ACSS3: variants seen among roughly 807,000 people sequenced by gnomAD.
ACSS3 encodes the protein acyl-CoA synthetase short-chain family member 3, mitochondrial.
Under a neutral mutation model 84.2 loss-of-function variants are expected in ACSS3, and 64 were observed. The observed-to-expected ratio is 0.76, with a 90% confidence interval of 0.62 to 0.94. The LOEUF is 0.94. ACSS3 is among the 40% of genes least tolerant of loss of function. ACSS3 has a pLI of 0.00. For synonymous variants in ACSS3, 317 were observed against 310.1 expected, an observed-to-expected ratio of 1.02 and a Z score of -0.23; for missense variants, 815 against 867.6, an observed-to-expected ratio of 0.94 and a Z score of 0.76.
intron 7 of ACSS3, among the ~76,000 whole-genome samples, chr12:81,168,233 C>G (rs1029052479): frequency 6.6e-6 from 1 of 152,152 alleles, no homozygotes; most frequent in Non-Finnish European, 1.5e-5. Flanking sequence ...GTTATGGTCT[C>G]TACATGACCA....
intron 1 of ACSS3, among the ~76,000 whole-genome samples, chr12:81,097,454 T>C (rs1440894741): frequency 6.6e-6 from 1 of 152,256 alleles, no homozygotes; most frequent in East Asian, 1.9e-4. Context: ...GTATTCGTTT[T>C]CCTTACTCTT....
chr12:81,161,590 G>A lies in ACSS3; in HGVS notation c.1098+9494G>A, dbSNP rs371922468. ...TTTTCTTAAATTCATAGACAGAATG[G>A]AGAGTTTAGATAACCCTAATGTCAC... On this transcript the variant is annotated intron_variant, in intron 7 of 15. Coordinates refer to ENST00000548058, the MANE Select transcript of ACSS3 (RefSeq NM_024560.4). 7.6e-4 allele frequency among the ~76,000 whole-genome samples: 116 copies of A among 152,258 alleles called. 1 individual carries two copies. Among genetic ancestry groups the A allele is most frequent in the African/African-American group, 2.7e-3 (112 of 41,544 alleles).
chr12:81,257,916 TG>T lies in ACSS3; in HGVS notation c.*2995del, dbSNP rs1347150181. On this transcript the variant is annotated 3_prime_UTR_variant, in exon 16 of 16. Transcript: ENST00000548058. ...TTATAGATGATTAATCTTTCTAACT[TG>T]ATCTTTAAAAGAAAGAAATTGATTT... The T allele has an allele frequency of 6.6e-6, 1 of 152,158 alleles. No individual in the cohort carries two copies. Among genetic ancestry groups the T allele is most frequent in the African/African-American group, 2.4e-5 (1 of 41,456 alleles). 9.4% of individuals were successfully genotyped at this position (152,158 alleles called of 1,614,324 possible).
intron 1 of ACSS3, among the ~76,000 whole-genome samples, chr12:81,100,451 TA>T (rs1158223926): frequency 2.0e-5 from 3 of 152,180 alleles, no homozygotes; most frequent in Non-Finnish European, 4.4e-5. Flanking sequence ...CAAGGACATC[TA>T]ACATTTCTGT....
At position 81,253,330 on chromosome 12, in the gene ACSS3, G is replaced by A. The variant is rs1314788862; in HGVS notation, c.1743G>A (p.Val581=). 4 of 1,613,688 alleles carry A rather than the reference G, an allele frequency of 2.5e-6. No homozygotes were observed. In the African/African-American group the frequency reaches 5.3e-5, roughly 22 times the overall value. ...IEESILSHGT[V]ADCAVVGKED... ...AGTCAATCCTTTCCCATGGTACCGT[G>A]GCAGACTGTGCTGTTGTTGGCAAGG... The change falls in exon 14 of 16, where the codon GTG becomes GTA. Residue 581 remains valine (V), a synonymous_variant. Coordinates refer to ENST00000548058, the MANE Select transcript of ACSS3 (RefSeq NM_024560.4).
In ACSS3 at chr12:81,259,893, G is replaced by C. The variant is rs1413293326; in HGVS notation, c.*4971G>C. On this transcript the variant is annotated 3_prime_UTR_variant, in exon 16 of 16. Transcript: ENST00000548058. ...TAGAATTTGCTCAACTTTGTGGAAA[G>C]TATGGCAGTAATGTAAACAAAGGTA... 2 of 378,440 alleles carry C rather than the reference G, an allele frequency of 5.3e-6. No homozygotes were observed. The highest frequency in any genetic ancestry group is 4.3e-5 in the Admixed American group (1 of 23,042). The allele number at this position is 378,440 out of a possible 1,614,324, so 23.4% of individuals were successfully genotyped here. A position where few individuals can be genotyped will look rare whatever the true frequency, so the allele number is the denominator to read the frequency against.
chr12:81,145,229 A>G (rs542087688), intron 5 of ACSS3, among the ~76,000 whole-genome samples: 102 of 151,940 alleles, frequency 6.7e-4, no homozygotes, highest in African/African-American at 2.4e-3. Flanking sequence ...GTTTTCTCTG[A>G]GAGGTTCTTT....
At chr12:81,253,231 G>C in intron 13 of ACSS3, 76 bp from the exon 14 acceptor site, 1 of 1,423,236 alleles carries the variant, frequency 7.0e-7, no homozygotes, top group Non-Finnish European at 9.9e-7. Flanking sequence ...ATCTATATCT[G>C]TATCTATATC....
chr12:81,229,314 T>A (rs1192707264), intron 11 of ACSS3, among the ~76,000 whole-genome samples: 1 of 151,872 alleles, frequency 6.6e-6, no homozygotes, highest in African/African-American at 2.4e-5. Flanking sequence ...TACATACAAT[T>A]TGCTTCACTC....
chr12:81,179,927 A>T (rs546698854), intron 8 of ACSS3, among the ~76,000 whole-genome samples: 1 of 152,316 alleles, frequency 6.6e-6, no homozygotes, highest in East Asian at 1.9e-4. Context: ...TGATGCTGTC[A>T]TCTGCTCAGC....
chr12:81,216,163 G>A (rs549130762), intron 9 of ACSS3, among the ~76,000 whole-genome samples: 12 of 151,078 alleles, frequency 7.9e-5, no homozygotes, highest in African/African-American at 2.2e-4. Context: ...TTATTAAAAT[G>A]TTTTTTTCTG....
At chr12:81,102,667 C>CAA (rs71309551) in intron 1 of ACSS3, among the ~76,000 whole-genome samples, 51,693 of 146,464 alleles carry the variant, frequency 0.35, 11,247 homozygotes, top group Non-Finnish European at 0.5. Context: ...CTAAAACTAC[C>CAA]AAAAAAAAAA....
chr12:81,099,044 T>G (rs544762413), intron 1 of ACSS3, among the ~76,000 whole-genome samples: 1 of 152,202 alleles, frequency 6.6e-6, no homozygotes, highest in Admixed American at 6.5e-5. Context: ...AGAAACACTT[T>G]TGAATAGAAA....
intron 1 of ACSS3, among the ~76,000 whole-genome samples, chr12:81,084,403 C>T (rs546075356): frequency 5.9e-5 from 9 of 152,218 alleles, no homozygotes; most frequent in Non-Finnish European, 8.8e-5. Context: ...AATTAAATTA[C>T]ACATAGTGAC....
At chr12:81,170,963 A>G (rs1371410664) in intron 7 of ACSS3, among the ~76,000 whole-genome samples, 1 of 152,144 alleles carries the variant, frequency 6.6e-6, no homozygotes. Flanking sequence ...AAAGATTCTT[A>G]CAGGCTTTGC....
intron 8 of ACSS3, among the ~76,000 whole-genome samples, chr12:81,193,421 C>A (rs955143167): frequency 2.6e-5 from 4 of 151,738 alleles, no homozygotes; most frequent in Non-Finnish European, 5.9e-5. Flanking sequence ...TATTTTGGAC[C>A]AAAATTAATT....
intron 11 of ACSS3, among the ~76,000 whole-genome samples, chr12:81,230,022 C>G (rs542946199): frequency 6.6e-6 from 1 of 151,744 alleles, no homozygotes; most frequent in African/African-American, 2.4e-5. Context: ...CTGTCAGACC[C>G]GAAAATCCTG....
Position 81,078,318 on chromosome 12 carries a change from C to A in ACSS3, c.198C>A (p.Phe66Leu). ...GTGGCAGCGAGTACAAGACCCACTT[C>A]GCAGCCTCGGTGACCGACCCCGAGA... ...SGSGSEYKTH[F>L]AASVTDPERF... is the part of the protein sequence containing the mutation. Residue 66 changes from phenylalanine (F) to leucine (L), a missense_variant, in exon 1 of 16, where the codon TTC becomes TTA. Transcript: ENST00000548058. 6.2e-7 allele frequency: 1 copy of A among 1,612,460 alleles called. No homozygotes were observed. The highest frequency in any genetic ancestry group is 8.5e-7 in the Non-Finnish European group (1 of 1,179,974).
In ACSS3 at chr12:81,126,864, T is replaced by A. The variant is rs545463715; in HGVS notation, c.457-7952T>A. Among the ~76,000 whole-genome samples, 4 of 152,162 alleles carry A rather than the reference T, an allele frequency of 2.6e-5. No individual in the cohort carries two copies. In the East Asian group the frequency reaches 7.7e-4, roughly 29 times the overall value. ...AAATGATAATTCTGAGTAATGGTAT[T>A]TACTCTTTCATTTGAAGAAAATTAT... On this transcript the variant is annotated intron_variant, in intron 2 of 15. Transcript: ENST00000548058.
Sources: allele counts gnomAD v4.1 joint callset (sites outside exome capture counted in the v4.1 genomes callset), GRCh38; gene constraint gnomAD v4.1.1; transcripts MANE v1.5; gene names NCBI Gene and HGNC (gene_info 2026-07-23, HGNC 2026-07-21).